SCN10A: variants seen among roughly 807,000 people sequenced by gnomAD.
SCN10A encodes the protein sodium voltage-gated channel alpha subunit 10, also known as sodium channel protein type 10 subunit alpha.
In SCN10A, 162 loss-of-function variants were observed where a neutral mutation model predicts 170.7. That is an observed-to-expected ratio of 0.95 (90% CI 0.84 to 1.08). The LOEUF is 1.08. Ranked by LOEUF, SCN10A falls within the 50% of genes least tolerant of loss-of-function variation. The probability of loss-of-function intolerance (pLI) is 0.00; values close to 1 mark genes in which losing one functional copy is unlikely to be tolerated. For synonymous variants in SCN10A, 985 were observed against 904.6 expected (o/e 1.09, Z -1.59); for missense variants, 2,527 against 2,436.9 (o/e 1.04, Z -0.78).
chr3:38,742,505 C>T lies in SCN10A; in HGVS notation c.1892G>A (p.Cys631Tyr). The change falls in exon 14 of 28, where the codon TGC (cysteine) becomes TAC (tyrosine). Residue 631 changes from cysteine (C) to tyrosine (Y), a missense_variant. Cys to Tyr is a radical substitution (Grantham distance 194). Coordinates refer to ENST00000449082, the MANE Select transcript of SCN10A (RefSeq NM_006514.4). ...LEELEESEQK[C>Y]PPCLTSLSQK... is the part of the protein sequence containing the mutation. ...AGACAAGCTGGTCAAGCAGGGTGGG[C>T]ACTTCTGTTCAGACTCCTCGAGTTC... is the stretch of plus-strand genomic sequence containing the variant. 1 of 1,614,150 alleles carries T rather than the reference C, an allele frequency of 6.2e-7. No homozygotes were observed. Among genetic ancestry groups the T allele is most frequent in the South Asian group, 1.1e-5 (1 of 91,086 alleles).
At chr3:38,765,785 T>C (rs2063925820) in intron 5 of SCN10A, among the ~76,000 whole-genome samples, 1 of 152,152 alleles carries the variant, frequency 6.6e-6, no homozygotes, top group Admixed American at 6.5e-5. Context: ...GGAAATTGTA[T>C]TGAATCTGTA....
At chr3:38,767,859 T>C (rs975918287) in intron 5 of SCN10A, among the ~76,000 whole-genome samples, 3 of 152,170 alleles carry the variant, frequency 2.0e-5, no homozygotes, top group Non-Finnish European at 1.5e-5. Flanking sequence ...ACTATTATTA[T>C]ATTGCTGTCT....
intron 13 of SCN10A, among the ~76,000 whole-genome samples, chr3:38,745,395 C>G (rs752715110): frequency 4.1e-4 from 63 of 152,278 alleles, no homozygotes; most frequent in Admixed American, 2.6e-4. Context: ...TGAATATACC[C>G]TTTCTTCCCT....
chr3:38,706,192 A>C (rs896970054), intron 26 of SCN10A, among the ~76,000 whole-genome samples: 2 of 152,204 alleles, frequency 1.3e-5, no homozygotes, highest in Admixed American at 1.3e-4. Context: ...TTTCTCTTGT[A>C]AATGTTTTTC....
chr3:38,744,260 G>A (rs754010144), intron 13 of SCN10A, among the ~76,000 whole-genome samples: 94 of 152,112 alleles, frequency 6.2e-4, no homozygotes, highest in Non-Finnish European at 1.1e-3. Flanking sequence ...GGAGCAGGAA[G>A]GGTCTATAGT....
chr3:38,699,921 A>G (rs1180953647), intron 27 of SCN10A, among the ~76,000 whole-genome samples: 1 of 152,198 alleles, frequency 6.6e-6, no homozygotes, highest in Non-Finnish European at 1.5e-5. Flanking sequence ...TTCCAGCTCT[A>G]TAAGGGATTC....
chr3:38,758,730 A>T (rs1243687816), intron 8 of SCN10A, among the ~76,000 whole-genome samples: 3 of 151,888 alleles, frequency 2.0e-5, no homozygotes, highest in Non-Finnish European at 4.4e-5. Context: ...CGTTATCCTG[A>T]GCTGGCCTCT....
At position 38,798,878 on chromosome 3, in the gene SCN10A, C is replaced by T. The variant is rs539809544; in HGVS notation, c.-32-4836G>A. Reference sequence around the variant, plus strand: ...AATCACAGCTCATTGCAGCCTTGACCTCCCATGTTCAAGTGATCCTCCCAC... The same window carrying T: ...AATCACAGCTCATTGCAGCCTTGACTTCCCATGTTCAAGTGATCCTCCCAC... On this transcript the variant is annotated intron_variant, in intron 1 of 27. Coordinates refer to ENST00000449082, the MANE Select transcript of SCN10A (RefSeq NM_006514.4). 2.0e-4 allele frequency among the ~76,000 whole-genome samples: 29 copies of T among 146,346 alleles called. 1 individual carries two copies. Among genetic ancestry groups the T allele is most frequent in the African/African-American group, 6.6e-4 (26 of 39,272 alleles).
In SCN10A at chr3:38,756,309, A is replaced by G. The variant is rs1380924582; in HGVS notation, c.1291-351T>C. ...GATAGGTATGGGGAGGGTAAAAAAAAAAAGCTGGCCCCCTTGCCTCAAGGT... is the reference window on the plus strand; with the variant it reads ...GATAGGTATGGGGAGGGTAAAAAAAGAAAGCTGGCCCCCTTGCCTCAAGGT... On this transcript the variant is annotated intron_variant, in intron 10 of 27. Transcript: ENST00000449082. 3.9e-5 allele frequency among the ~76,000 whole-genome samples: 6 copies of G among 152,040 alleles called. No homozygotes were observed. In the South Asian group the frequency reaches 1.2e-3, roughly 32 times the overall value.
intron 4 of SCN10A, among the ~76,000 whole-genome samples, chr3:38,775,436 A>G (rs901520580): frequency 1.3e-5 from 2 of 152,332 alleles, no homozygotes; most frequent in African/African-American, 4.8e-5. Context: ...ATGATATTCA[A>G]TTGTTTACAT....
intron 25 of SCN10A, 99 bp from the exon 26 acceptor site, chr3:38,707,482 C>A: frequency 8.2e-7 from 1 of 1,226,854 alleles, no homozygotes; most frequent in South Asian, 1.3e-5. Flanking sequence ...AACCTTCTCC[C>A]CTCCTCTGCA....
chr3:38,788,675 G>C (rs1000638662), intron 4 of SCN10A, among the ~76,000 whole-genome samples: 2 of 152,058 alleles, frequency 1.3e-5, no homozygotes, highest in African/African-American at 4.8e-5. Flanking sequence ...AGACTTTCTG[G>C]GGCTGGGACT....
chr3:38,750,255 G>T (rs2063734195), intron 12 of SCN10A, 71 bp from the exon 13 acceptor site: 2 of 801,336 alleles, frequency 2.5e-6, no homozygotes, highest in Admixed American at 2.1e-5. Context: ...GGATCATTCA[G>T]CCTCTTATTG....
chr3:38,763,442 T>C lies in SCN10A; in HGVS notation c.691+63A>G, dbSNP rs561521580. On this transcript the variant is annotated intron_variant, in intron 6 of 27. Transcript: ENST00000449082. ...GCCCTGGAACCTTACAGGGTTCTTG[T>C]GAAAATTAGAGAAGGGAGTTAGGCT... is the stretch of plus-strand genomic sequence containing the variant. 4.9e-5 allele frequency: 63 copies of C among 1,294,864 alleles called. No homozygotes were observed. The South Asian group carries it at 7.3e-4, about 15-fold the overall frequency. The allele number at this position is 1,294,864 out of a possible 1,614,324, so 80.2% of individuals were successfully genotyped here. A position where few individuals can be genotyped will look rare whatever the true frequency, so the allele number is the denominator to read the frequency against.
intron 11 of SCN10A, among the ~76,000 whole-genome samples, chr3:38,752,909 T>G (rs1481743442): frequency 6.6e-6 from 1 of 152,230 alleles, no homozygotes; most frequent in African/African-American, 2.4e-5. Context: ...GAGGCTACTA[T>G]GCACACCAGT....
intron 1 of SCN10A, among the ~76,000 whole-genome samples, chr3:38,801,397 G>A (rs564944525): frequency 6.6e-6 from 1 of 152,260 alleles, no homozygotes; most frequent in Non-Finnish European, 1.5e-5. Context: ...AGAAAACTAA[G>A]AACCAATGAA....
chr3:38,723,830 G>A (rs1035495217), intron 18 of SCN10A, among the ~76,000 whole-genome samples: 2 of 152,218 alleles, frequency 1.3e-5, no homozygotes, highest in Non-Finnish European at 2.9e-5. Flanking sequence ...ATGGAGTAAT[G>A]CTGCAGGGGC....
At chr3:38,791,597 C>T (rs1207112666) in intron 3 of SCN10A, among the ~76,000 whole-genome samples, 3 of 152,156 alleles carry the variant, frequency 2.0e-5, no homozygotes, top group African/African-American at 4.8e-5. Context: ...CTCTTTTGCC[C>T]AGTAAGCAGC....
At chr3:38,715,914 T>C (rs550925190) in intron 21 of SCN10A, among the ~76,000 whole-genome samples, 1 of 152,250 alleles carries the variant, frequency 6.6e-6, no homozygotes, top group African/African-American at 2.4e-5. Flanking sequence ...GTTAGATGTA[T>C]AGCAAATGGA....
Sources: gnomAD v4.1 joint callset for allele counts (sites outside exome capture counted in the v4.1 genomes callset) on GRCh38, gnomAD v4.1.1 for gene constraint, MANE v1.5 for transcripts, NCBI Gene and HGNC (gene_info 2026-07-23, HGNC 2026-07-21) for gene names.